CCNY: variants seen among roughly 807,000 people sequenced by gnomAD.
CCNY encodes cyclin Y, also known as cyclin-Y.
In CCNY, 19 loss-of-function variants were observed where a neutral mutation model predicts 42.8. That is an observed-to-expected ratio of 0.44 (90% confidence interval 0.31 to 0.65). The LOEUF is 0.65. Among genes scored for constraint, CCNY ranks in the 30% least tolerant of loss-of-function variants. The pLI, the probability that CCNY is intolerant of heterozygous loss-of-function variation, is 0.07. For synonymous variants in CCNY, 165 were observed against 162.7 expected (o/e 1.01, Z -0.11); for missense variants, 370 against 437.3 (o/e 0.85, Z 1.37).
intron 3 of CCNY, among the ~76,000 whole-genome samples, chr10:35,302,072 T>TC (rs1463250409): frequency 2.0e-5 from 3 of 150,720 alleles, no homozygotes; most frequent in Admixed American, 6.6e-5. Context: ...CAAGCGATTC[T>TC]CTGCCTCAGC....
intron 3 of CCNY, among the ~76,000 whole-genome samples, chr10:35,308,362 G>A (rs1325243275): frequency 1.3e-5 from 2 of 152,074 alleles, no homozygotes; most frequent in Non-Finnish European, 2.9e-5. Flanking sequence ...AGACCAGCTT[G>A]AGCAACACAG....
chr10:35,508,960 G>A (rs1252546076), intron 3 of CCNY, among the ~76,000 whole-genome samples: 1 of 151,968 alleles, frequency 6.6e-6, no homozygotes, highest in Non-Finnish European at 1.5e-5. Flanking sequence ...GTCTATTTTG[G>A]ATATTTTATA....
chr10:35,409,605 A>T (rs1416593447), intron 1 of CCNY, among the ~76,000 whole-genome samples: 1 of 152,224 alleles, frequency 6.6e-6, no homozygotes, highest in African/African-American at 2.4e-5. Context: ...CTAAAATTAA[A>T]AAGAAAACCT....
Position 35,336,713 on chromosome 10 carries a change from G to T in CCNY, c.-341G>T, listed in dbSNP as rs1224221502. ...AACTGGGGAAGCGCGGGGGGGAGGC[G>T]GCCTGCGCGGCGCCGCCCGCCATGG... On this transcript the variant is annotated 5_prime_UTR_variant, in exon 1 of 10. Transcript: ENST00000374704. Among the ~76,000 whole-genome samples, 2 of 147,278 alleles carry T rather than the reference G, an allele frequency of 1.4e-5. No individual in the cohort carries two copies. Among genetic ancestry groups the T allele is most frequent in the African/African-American group, 4.9e-5 (2 of 41,024 alleles).
At chr10:35,356,368 A>C (rs1836549122) in intron 1 of CCNY, among the ~76,000 whole-genome samples, 1 of 152,212 alleles carries the variant, frequency 6.6e-6, no homozygotes, top group African/African-American at 2.4e-5. Flanking sequence ...TTGTTGGTCA[A>C]AATCCGATTT....
At chr10:35,489,545 T>C (rs1007677572) in intron 2 of CCNY, among the ~76,000 whole-genome samples, 7 of 152,160 alleles carry the variant, frequency 4.6e-5, no homozygotes, top group Non-Finnish European at 1.0e-4. Flanking sequence ...CATGAGCCAC[T>C]GCACCCAGCC....
At chr10:35,366,755 C>G (rs183069038) in intron 1 of CCNY, among the ~76,000 whole-genome samples, 1 of 152,318 alleles carries the variant, frequency 6.6e-6, no homozygotes, top group East Asian at 1.9e-4. Context: ...TATATCTGCA[C>G]TGTCCAATGT....
At chr10:35,272,675 G>A (rs1011922963) in intron 3 of CCNY, among the ~76,000 whole-genome samples, 4 of 152,174 alleles carry the variant, frequency 2.6e-5, no homozygotes, top group African/African-American at 9.7e-5. Flanking sequence ...TACCATTGAT[G>A]GGCATTTAGG....
At position 35,508,924 on chromosome 10, in the gene CCNY, C is replaced by T. The variant is rs185944353; in HGVS notation, c.264+7389C>T. 2.3e-4 allele frequency among the ~76,000 whole-genome samples: 35 copies of T among 152,266 alleles called. No homozygotes were observed. In the East Asian group the frequency reaches 6.0e-3, roughly 26 times the overall value. On this transcript the variant is annotated intron_variant, in intron 3 of 9. Transcript: ENST00000374704. ...CAGTCATTCCTACTCCTTCCCCTCC[C>T]CCACTAGTCTACTGTTTGTAGATTT... is the stretch of plus-strand genomic sequence containing the variant.
intron 3 of CCNY, among the ~76,000 whole-genome samples, chr10:35,263,214 A>G (rs770666025): frequency 6.6e-6 from 1 of 151,824 alleles, no homozygotes; most frequent in Non-Finnish European, 1.5e-5. Flanking sequence ...CAAATTAGCC[A>G]GGCGTGGTGG....
intron 1 of CCNY, among the ~76,000 whole-genome samples, chr10:35,383,882 C>G (rs920755269): frequency 6.6e-6 from 1 of 152,008 alleles, no homozygotes; most frequent in African/African-American, 2.4e-5. Flanking sequence ...AGGTTTCTTT[C>G]CTGCACTACT....
chr10:35,360,065 G>A (rs1836648275), intron 1 of CCNY, among the ~76,000 whole-genome samples: 1 of 152,174 alleles, frequency 6.6e-6, no homozygotes, highest in African/African-American at 2.4e-5. Context: ...AATGCCGCTA[G>A]GCACACGAGT....
intron 3 of CCNY, among the ~76,000 whole-genome samples, chr10:35,278,350 A>G (rs1403655998): frequency 6.6e-6 from 1 of 151,976 alleles, no homozygotes; most frequent in African/African-American, 2.4e-5. Flanking sequence ...CAGAGGAACC[A>G]AGGCCACTCC....
chr10:35,255,136 GGTTT>G (rs1461149381), intron 3 of CCNY, among the ~76,000 whole-genome samples: 1 of 151,900 alleles, frequency 6.6e-6, no homozygotes, highest in African/African-American at 2.4e-5. Flanking sequence ...ACAGACAGTT[GGTTT>G]ATTTTGTTAA....
chr10:35,464,704 G>A (rs1266924562), intron 1 of CCNY, among the ~76,000 whole-genome samples: 1 of 152,078 alleles, frequency 6.6e-6, no homozygotes, highest in African/African-American at 2.4e-5. Context: ...TGACTTGTCT[G>A]CCTCATGCCC....
Position 35,499,035 on chromosome 10 carries a change from A to G in CCNY, c.230-2466A>G, listed in dbSNP as rs188726830. Among the ~76,000 whole-genome samples the G allele has an allele frequency of 2.0e-3, 309 of 152,300 alleles. 1 individual carries two copies. The highest frequency in any genetic ancestry group is 6.0e-3 in the African/African-American group (249 of 41,558). On this transcript the variant is annotated intron_variant, in intron 2 of 9. Transcript: ENST00000374704. ...TTGCAGCCAGTTGGAGTTCATGAAA[A>G]TAGCCTGATTCCTCCCTGAGATTGA...
At chr10:35,291,593 A>G (rs1485285181) in intron 3 of CCNY, among the ~76,000 whole-genome samples, 1 of 138,132 alleles carries the variant, frequency 7.2e-6, no homozygotes, top group Non-Finnish European at 1.5e-5. Context: ...GTGCAGTGGC[A>G]CGATCTCGCT....
chr10:35,479,853 C>T (rs2135361542), intron 1 of CCNY, among the ~76,000 whole-genome samples: 1 of 152,198 alleles, frequency 6.6e-6, no homozygotes, highest in African/African-American at 2.4e-5. Context: ...TTGGGGATAT[C>T]ATTTTTCCTG....
intron 1 of CCNY, among the ~76,000 whole-genome samples, chr10:35,410,371 G>A (rs189345283): frequency 6.6e-6 from 1 of 152,202 alleles, no homozygotes; most frequent in Admixed American, 6.5e-5. Context: ...CCCAGATAAG[G>A]AGAGAAATTT....
Sources: gnomAD v4.1 joint callset for allele counts (sites outside exome capture counted in the v4.1 genomes callset) on GRCh38, gnomAD v4.1.1 for gene constraint, MANE v1.5 for transcripts, NCBI Gene and HGNC (gene_info 2026-07-23, HGNC 2026-07-21) for gene names.